The following NPHP4 variants were observed in gnomAD, a reference collection of about 807,000 sequenced individuals.
NPHP4 encodes nephrocystin-4.
A neutral mutation model predicts 155.8 loss-of-function variants in NPHP4; 151 were observed. That is an observed-to-expected ratio of 0.97 (90% CI 0.85 to 1.11). The LOEUF is 1.11. Among genes scored for constraint, NPHP4 ranks in the 50% least tolerant of loss-of-function variants. The pLI, the probability that NPHP4 is intolerant of heterozygous loss-of-function variation, is 0.00. For synonymous variants in NPHP4, 845 were observed against 816.8 expected, an observed-to-expected ratio of 1.03 and a Z score of -0.59; for missense variants, 1,956 against 1,925.7, an observed-to-expected ratio of 1.02 and a Z score of -0.29.
At chr1:5,897,963 T>C (rs1402431664) in intron 16 of NPHP4, among the ~76,000 whole-genome samples, 1 of 152,088 alleles carries the variant, frequency 6.6e-6, no homozygotes, top group Non-Finnish European at 1.5e-5. Flanking sequence ...GGTGGGGACA[T>C]ATGGGATTAG....
intron 11 of NPHP4, among the ~76,000 whole-genome samples, chr1:5,915,981 G>A (rs770975744): frequency 5.3e-5 from 8 of 152,134 alleles, no homozygotes; most frequent in Non-Finnish European, 1.2e-4. Context: ...CAGGCACCAC[G>A]GGGCAGGAAT....
chr1:5,923,280 T>C (rs1050403570), intron 11 of NPHP4, among the ~76,000 whole-genome samples: 1 of 152,234 alleles, frequency 6.6e-6, no homozygotes, highest in African/African-American at 2.4e-5. Flanking sequence ...CCCTCCCATC[T>C]AAAATACATT....
chr1:5,939,364 T>C (rs1209361305), intron 9 of NPHP4, among the ~76,000 whole-genome samples: 8 of 152,208 alleles, frequency 5.3e-5, no homozygotes, highest in Admixed American at 5.2e-4. Context: ...ACAGCAAAAC[T>C]GTCACGCATT....
intron 26 of NPHP4, 142 bp from the exon 27 acceptor site, chr1:5,865,415 A>G: frequency 2.8e-6 from 2 of 707,490 alleles, no homozygotes; most frequent in Middle Eastern, 4.3e-4. Flanking sequence ...CAGGAGGCAG[A>G]GCTGGGGCCA....
At chr1:5,908,116 G>A (rs992854092) in intron 12 of NPHP4, among the ~76,000 whole-genome samples, 5 of 152,238 alleles carry the variant, frequency 3.3e-5, no homozygotes, top group East Asian at 1.9e-4. Context: ...TGAATGGGGG[G>A]CGGGGTGCAT....
At chr1:5,874,771 T>A (rs1642395242) in intron 21 of NPHP4, 103 bp downstream of exon 21, 1 of 1,514,424 alleles carries the variant, frequency 6.6e-7, no homozygotes, top group Non-Finnish European at 9.1e-7. Flanking sequence ...AGAAGTCAAA[T>A]CGCCCCGGCT....
At chr1:5,959,800 T>C (rs367673011) in intron 6 of NPHP4, among the ~76,000 whole-genome samples, 3 of 152,128 alleles carry the variant, frequency 2.0e-5, no homozygotes, top group East Asian at 3.9e-4. Flanking sequence ...GTCCTGAAGA[T>C]CAGTATCTAA....
At position 5,947,179 on chromosome 1, in the gene NPHP4, C is replaced by T. The variant is rs764856066; in HGVS notation, c.1044G>A (p.Met348Ile). 1 of 1,613,936 alleles carries T rather than the reference C, an allele frequency of 6.2e-7. No homozygotes were observed. The highest frequency in any genetic ancestry group is 8.5e-7 in the Non-Finnish European group (1 of 1,179,882). Residue 348 changes from methionine (M) to isoleucine (I), a missense_variant, in exon 9 of 30, where the codon ATG becomes ATA. Transcript: ENST00000378156. ...VLRSRLRLPE[M>I]VGHPAFAVIF... ...TGACCGCAAATGCAGGGTGGCCGAC[C>T]ATCTCTGGGAGGCGGAGGCGGCTTC...
intron 3 of NPHP4, among the ~76,000 whole-genome samples, chr1:5,977,747 G>A (rs964955282): frequency 1.0e-4 from 15 of 149,102 alleles, no homozygotes; most frequent in African/African-American, 3.5e-4. Context: ...CCACCTGCCG[G>A]TCTCAAGACA....
intron 2 of NPHP4, among the ~76,000 whole-genome samples, chr1:5,983,268 C>G (rs1469772745): frequency 1.3e-5 from 2 of 152,146 alleles, no homozygotes; most frequent in Non-Finnish European, 2.9e-5. Flanking sequence ...GTTATCAGAA[C>G]AGACCTTACT....
intron 11 of NPHP4, among the ~76,000 whole-genome samples, chr1:5,909,602 G>A (rs1050884999): frequency 3.3e-5 from 5 of 152,148 alleles, no homozygotes; most frequent in East Asian, 1.9e-4. Flanking sequence ...CCCTGACTCC[G>A]GCTGTTTTGT....
At chr1:5,938,767 A>C (rs1381777506) in intron 9 of NPHP4, among the ~76,000 whole-genome samples, 8 of 152,260 alleles carry the variant, frequency 5.3e-5, no homozygotes, top group Non-Finnish European at 1.2e-4. Flanking sequence ...TGAAAATAAA[A>C]TGTAAAAACT....
intron 10 of NPHP4, among the ~76,000 whole-genome samples, chr1:5,931,585 TTAGCCAGGCATGG>T (rs757399712): frequency 6.0e-4 from 91 of 151,712 alleles, no homozygotes; most frequent in South Asian, 2.7e-3. Flanking sequence ...AATATAAAAA[TTAGCCAGGCATGG>T]TGGTGGGCAC....
At chr1:5,877,009 CAT>C (rs1466538215) in intron 20 of NPHP4, 82 bp downstream of exon 20, 1 of 949,614 alleles carries the variant, frequency 1.1e-6, no homozygotes, top group African/African-American at 1.7e-5. Flanking sequence ...AAGAGAGAAT[CAT>C]GTGGGAGGCA....
In NPHP4 at chr1:5,874,925, G is replaced by C; in HGVS notation, c.2993C>G (p.Pro998Arg). The C allele has an allele frequency of 5.0e-6, 8 of 1,613,792 alleles. No individual in the cohort carries two copies. Among genetic ancestry groups the C allele is most frequent in the Non-Finnish European group, 6.8e-6 (8 of 1,179,874 alleles). ...AEFFEFVLKN[P>R]HNTQHTVTVE... Reference sequence around the variant, plus strand: ...AGTCACCGTGTGCTGTGTGTTGTGGGGGTTCTTAAGCACAAACTCAAAGAA... The same window carrying C: ...AGTCACCGTGTGCTGTGTGTTGTGGCGGTTCTTAAGCACAAACTCAAAGAA... Residue 998 changes from proline to arginine, a missense_variant, in exon 21 of 30, where the codon CCC (proline) becomes CGC (arginine). Coordinates refer to ENST00000378156, the MANE Select transcript of NPHP4 (RefSeq NM_015102.5).
intron 9 of NPHP4, among the ~76,000 whole-genome samples, chr1:5,940,635 C>T (rs1158871339): frequency 1.3e-5 from 2 of 152,012 alleles, no homozygotes; most frequent in African/African-American, 4.8e-5. Context: ...TCTACAAAAA[C>T]AAAATAAAAA....
Position 5,877,173 on chromosome 1 carries a change from T to TGCGGGTGGCATCCGACTC in NPHP4, c.2719_2736dup (p.Glu907_Arg912dup), listed in dbSNP as rs773947007. 6.2e-7 allele frequency: 1 copy of TGCGGGTGGCATCCGACTC among 1,606,198 alleles called. No individual in the cohort carries two copies. The highest frequency in any genetic ancestry group is 1.7e-5 in the Admixed American group (1 of 59,410). On this transcript the variant is annotated inframe_insertion, in exon 20 of 30. Transcript: ENST00000378156. Reference sequence around the variant, plus strand: ...GACCTCATCCGCTCCAGCTTACGCCTGCGGGTGGCATCCGACTCGCGGCTG... The same window carrying TGCGGGTGGCATCCGACTC: ...GACCTCATCCGCTCCAGCTTACGCCTGCGGGTGGCATCCGACTCGCGGGTGGCATCCGACTCGCGGCTG...
chr1:5,978,418 G>C lies in NPHP4; in HGVS notation c.136-5C>G. ...TGACAGTACCTCCAGCACGCCCTAG[G>C]AGACAACGGGGAATTGACCCTCAAG... On this transcript the variant is annotated splice_region_variant and splice_polypyrimidine_tract_variant and intron_variant, in intron 2 of 29. Transcript: ENST00000378156. 1.9e-6 allele frequency: 3 copies of C among 1,597,910 alleles called. No individual in the cohort carries two copies. The highest frequency in any genetic ancestry group is 2.6e-6 in the Non-Finnish European group (3 of 1,172,620).
Position 5,905,380 on chromosome 1 carries a change from T to C in NPHP4, c.1867A>G (p.Thr623Ala), listed in dbSNP as rs35959882. The change falls in exon 15 of 30, where the codon ACA (threonine) becomes GCA (alanine). Residue 623 changes from threonine to alanine, a missense_variant. By Grantham distance (58) the Thr-to-Ala change is moderately conservative (BLOSUM62 0). Coordinates refer to ENST00000378156, the MANE Select transcript of NPHP4 (RefSeq NM_015102.5). The surrounding 1 kb of genome is among the most constrained non-coding windows in gnomAD (Gnocchi z 4.0). The part of the protein sequence containing the change: ...NKQPAEAVSA[T>A]EPVTFNPQKE... ...TGAGGGTTAAACGTCACAGGTTCTG[T>C]AGCGCTGACAGCCTCGGCTGGCTGT... The C allele has an allele frequency of 1.6e-4, 252 of 1,613,812 alleles. 1 individual carries two copies. The African/African-American group carries it at 2.9e-3, about 18-fold the overall frequency.
Sources: gnomAD v4.1 joint callset for allele counts (sites outside exome capture counted in the v4.1 genomes callset) on GRCh38, gnomAD v4.1.1 for gene constraint, Gnocchi (gnomAD v3.1) non-coding constraint, MANE v1.5 for transcripts, NCBI Gene and HGNC (gene_info 2026-07-23, HGNC 2026-07-21) for gene names.